ANKHD1: variants seen among roughly 807,000 people sequenced by gnomAD.
ANKHD1 encodes ankyrin repeat and KH domain containing 1.
A neutral mutation model predicts 230.5 loss-of-function variants in ANKHD1; 31 were observed. That is an observed-to-expected ratio of 0.13 (90% CI 0.10 to 0.18). The LOEUF is 0.18. Ranked by LOEUF, ANKHD1 falls within the 10% of genes least tolerant of loss-of-function variation. ANKHD1 has a pLI of 1.00. For synonymous variants in ANKHD1, 1,074 were observed against 1,117.6 expected (o/e 0.96, Z 0.78); for missense variants, 2,256 against 3,071.3 (o/e 0.73, Z 6.27).
chr5:140,469,524 C>A (rs1032121188), intron 10 of ANKHD1, among the ~76,000 whole-genome samples: 29 of 151,448 alleles, frequency 1.9e-4, no homozygotes, highest in Admixed American at 4.6e-4. Flanking sequence ...AACAAACAAA[C>A]AAAAAAAACT....
intron 30 of ANKHD1, chr5:140,536,945 C>T (rs1263095095): frequency 6.6e-6 from 1 of 151,986 alleles, no homozygotes; most frequent in African/African-American, 2.4e-5. Context: ...CGCTTGAACC[C>T]AGAAGGCAAA....
chr5:140,443,432 T>G (rs1774023264), intron 5 of ANKHD1, among the ~76,000 whole-genome samples: 1 of 151,892 alleles, frequency 6.6e-6, no homozygotes, highest in South Asian at 2.1e-4. Context: ...GGCTCACGCC[T>G]GTAATCCCAG....
rs781241037 is a variant in ANKHD1, at chr5:140,441,148, T to A, written c.913+6T>A. On this transcript the variant is annotated splice_donor_region_variant and intron_variant, in intron 5 of 33. Transcript: ENST00000360839. Reference sequence around the variant, plus strand: ...CAACTCCCAGTCTGCAACAGGTATGTAGAAAATGATGTATTAATTGGGAGA... The same window carrying A: ...CAACTCCCAGTCTGCAACAGGTATGAAGAAAATGATGTATTAATTGGGAGA... 6.4e-7 allele frequency: 1 copy of A among 1,561,308 alleles called. No homozygotes were observed. Among genetic ancestry groups the A allele is most frequent in the East Asian group, 2.4e-5 (1 of 41,892 alleles).
intron 7 of ANKHD1, among the ~76,000 whole-genome samples, chr5:140,454,759 A>G (rs1451478817): frequency 1.3e-5 from 2 of 152,258 alleles, no homozygotes; most frequent in Admixed American, 6.5e-5. Context: ...AAGAGAAAAC[A>G]GGAAAGATCT....
chr5:140,473,151 C>A (rs1002523602), intron 10 of ANKHD1, among the ~76,000 whole-genome samples: 1 of 151,728 alleles, frequency 6.6e-6, no homozygotes, highest in Non-Finnish European at 1.5e-5. Flanking sequence ...GCCCCAGCCT[C>A]CCAAGTAACT....
At chr5:140,429,277 A>G (rs1344893237) in intron 1 of ANKHD1, among the ~76,000 whole-genome samples, 1 of 151,134 alleles carries the variant, frequency 6.6e-6, no homozygotes, top group Non-Finnish European at 1.5e-5. Flanking sequence ...TATTTTTAGT[A>G]AAGACGGGGT....
At chr5:140,508,284 G>A (rs1752619595) in intron 20 of ANKHD1, among the ~76,000 whole-genome samples, 1 of 152,080 alleles carries the variant, frequency 6.6e-6, no homozygotes, top group African/African-American at 2.4e-5. Flanking sequence ...AGATTATTTT[G>A]TATTAACTCT....
chr5:140,507,037 C>T lies in ANKHD1; in HGVS notation c.3551+60C>T, dbSNP rs1241496513. 7.5e-6 allele frequency: 12 copies of T among 1,589,928 alleles called. No homozygotes were observed. Among genetic ancestry groups the T allele is most frequent in the Middle Eastern group, 1.8e-4 (1 of 5,420 alleles). ...AAGTTACTACTTTGGACTTAAATGTCTACCTCTTAACGTTTAGACAGATAC... is the reference window on the plus strand; with the variant it reads ...AAGTTACTACTTTGGACTTAAATGTTTACCTCTTAACGTTTAGACAGATAC... On this transcript the variant is annotated intron_variant, in intron 19 of 33. Transcript: ENST00000360839. The surrounding 1 kb of genome is among the most constrained non-coding windows in gnomAD (Gnocchi z 4.1).
chr5:140,513,531 G>A lies in ANKHD1; in HGVS notation c.4317+52G>A, dbSNP rs113375735. Reference sequence around the variant, plus strand: ...TTAGAAATTATTGAGGGTGGGGGCCGGGCACGGTGGCTCACGCCTATGATC... The same window carrying A: ...TTAGAAATTATTGAGGGTGGGGGCCAGGCACGGTGGCTCACGCCTATGATC... On this transcript the variant is annotated intron_variant, in intron 24 of 33. Coordinates refer to ENST00000360839, the MANE Select transcript of ANKHD1 (RefSeq NM_017747.3). The A allele has an allele frequency of 3.3e-3, 5,152 of 1,569,418 alleles. 145 individuals are homozygous for A. In the African/African-American group the frequency reaches 0.058, roughly 18 times the overall value.
chr5:140,435,663 G>A (rs1189879004), intron 1 of ANKHD1, among the ~76,000 whole-genome samples: 2 of 151,990 alleles, frequency 1.3e-5, no homozygotes, highest in Admixed American at 6.6e-5. Flanking sequence ...ACAGGTGTGA[G>A]CCACTGCGCC....
At chr5:140,427,884 C>A (rs569496366) in intron 1 of ANKHD1, among the ~76,000 whole-genome samples, 1 of 149,186 alleles carries the variant, frequency 6.7e-6, no homozygotes, top group Non-Finnish European at 1.5e-5. Flanking sequence ...TCAGACGGGG[C>A]GGCTGCCAGG....
At chr5:140,452,563 A>G (rs1266994374) in intron 7 of ANKHD1, among the ~76,000 whole-genome samples, 1 of 152,186 alleles carries the variant, frequency 6.6e-6, no homozygotes, top group Non-Finnish European at 1.5e-5. Context: ...GCTATTCAGC[A>G]ATATTCACTG....
chr5:140,416,297 A>G (rs1771384251), intron 1 of ANKHD1, among the ~76,000 whole-genome samples: 2 of 152,226 alleles, frequency 1.3e-5, no homozygotes, highest in Non-Finnish European at 2.9e-5. Context: ...CTTTGGGTAT[A>G]TACCCAGTAA....
Position 140,487,076 on chromosome 5 carries a change from A to C in ANKHD1, c.2245+16A>C, listed in dbSNP as rs774632163. 1.9e-6 allele frequency: 3 copies of C among 1,598,978 alleles called. No homozygotes were observed. The highest frequency in any genetic ancestry group is 2.6e-6 in the Non-Finnish European group (3 of 1,174,382). On this transcript the variant is annotated intron_variant, in intron 14 of 33. Coordinates refer to ENST00000360839, the MANE Select transcript of ANKHD1 (RefSeq NM_017747.3). Reference sequence around the variant, plus strand: ...GTGCAAAAAGGTTAGTTATTGAATTATTTTTCTTAAAATGGGTATTTTTTC... The same window carrying C: ...GTGCAAAAAGGTTAGTTATTGAATTCTTTTTCTTAAAATGGGTATTTTTTC...
intron 1 of ANKHD1, among the ~76,000 whole-genome samples, chr5:140,419,239 T>C (rs1294473098): frequency 1.3e-5 from 2 of 152,086 alleles, no homozygotes; most frequent in African/African-American, 4.8e-5. Context: ...TGAGCATCTT[T>C]TCATGTGCTT....
At chr5:140,457,080 G>A (rs1775252124) in intron 7 of ANKHD1, among the ~76,000 whole-genome samples, 1 of 152,170 alleles carries the variant, frequency 6.6e-6, no homozygotes, top group African/African-American at 2.4e-5. Context: ...AGACATTTAT[G>A]CAGCCAACAG....
At chr5:140,505,695 T>C in intron 17 of ANKHD1, 29 bp from the exon 18 acceptor site, 10 of 1,568,488 alleles carry the variant, frequency 6.4e-6, no homozygotes, top group Non-Finnish European at 8.6e-6. Flanking sequence ...AAACATAAAT[T>C]TGTTTAAGAT....
chr5:140,497,697 A>G (rs952646411), intron 15 of ANKHD1, among the ~76,000 whole-genome samples: 8 of 152,186 alleles, frequency 5.3e-5, no homozygotes, highest in Non-Finnish European at 7.4e-5. Context: ...TTAATTTGTA[A>G]TTTTATTAGA....
At chr5:140,502,843 A>G (rs1043698998) in intron 15 of ANKHD1, among the ~76,000 whole-genome samples, 1 of 152,168 alleles carries the variant, frequency 6.6e-6, no homozygotes, top group Admixed American at 6.6e-5. Flanking sequence ...CATTTTGCAT[A>G]TTCTTATAGG....
Sources: gnomAD v4.1 joint callset for allele counts (sites outside exome capture counted in the v4.1 genomes callset) on GRCh38, gnomAD v4.1.1 for gene constraint, Gnocchi (gnomAD v3.1) non-coding constraint, MANE v1.5 for transcripts, NCBI Gene and HGNC (gene_info 2026-07-23, HGNC 2026-07-21) for gene names.